FGF14: variants seen among roughly 807,000 people sequenced by gnomAD.
The protein encoded by FGF14 is fibroblast growth factor 14.
In FGF14, 5 loss-of-function variants were observed where a neutral mutation model predicts 25.5. The observed-to-expected ratio is 0.20, with a 90% CI of 0.10 to 0.41. The LOEUF is 0.41. Ranked by LOEUF, FGF14 falls within the 10% of genes least tolerant of loss-of-function variation. The probability of loss-of-function intolerance (pLI) is 1.00; values close to 1 mark genes in which losing one functional copy is unlikely to be tolerated. For synonymous variants in FGF14, 138 were observed against 118.3 expected, an observed-to-expected ratio of 1.17 and a Z score of -1.08; for missense variants, 222 against 320.1, an observed-to-expected ratio of 0.69 and a Z score of 2.34.
intron 3 of FGF14, among the ~76,000 whole-genome samples, chr13:101,847,305 C>G (rs2043514659): frequency 6.6e-6 from 1 of 151,972 alleles, no homozygotes. Flanking sequence ...AGCTGAATGC[C>G]TATCAACACC....
intron 1 of FGF14, among the ~76,000 whole-genome samples, chr13:102,093,873 C>A (rs491260): frequency 0.032 from 4,785 of 150,464 alleles, 249 homozygotes; most frequent in African/African-American, 0.11. Context: ...GCCACTGCTG[C>A]AGCTATGCCA....
At chr13:102,111,608 C>T (rs374532242) in intron 1 of FGF14, among the ~76,000 whole-genome samples, 53 of 151,794 alleles carry the variant, frequency 3.5e-4, no homozygotes, top group South Asian at 1.7e-3. Context: ...TCCAGCTACT[C>T]GGGAGGCTGA....
intron 4 of FGF14, among the ~76,000 whole-genome samples, chr13:101,725,383 A>G (rs2035345926): frequency 6.6e-6 from 1 of 152,066 alleles, no homozygotes; most frequent in Non-Finnish European, 1.5e-5. Flanking sequence ...AGACTCTGGA[A>G]TAATCTGTCT....
At chr13:101,894,724 A>G (rs772344704) in intron 1 of FGF14, among the ~76,000 whole-genome samples, 2 of 152,082 alleles carry the variant, frequency 1.3e-5, no homozygotes, top group Admixed American at 1.3e-4. Flanking sequence ...ATATAATAAG[A>G]TTTTCCTTTA....
rs1293898617 is a variant in FGF14, at chr13:101,716,154, T to C, written c.*6677A>G. ...ACACAAGAAAGACCATATTAGAATC[T>C]AAGGAAAACATGCATATTCACATTA... On this transcript the variant is annotated 3_prime_UTR_variant, in exon 5 of 5. Transcript: ENST00000376143. The C allele has an allele frequency of 6.6e-6, 1 of 152,354 alleles. No homozygotes were observed. Among genetic ancestry groups the C allele is most frequent in the Non-Finnish European group, 1.5e-5 (1 of 68,156 alleles). The allele number at this position is 152,354 out of a possible 1,614,324, so 9.4% of individuals were successfully genotyped here. A position where few individuals can be genotyped will look rare whatever the true frequency, so the allele number is the denominator to read the frequency against.
chr13:102,188,930 GA>G (rs1250568955), intron 1 of FGF14, among the ~76,000 whole-genome samples: 2 of 126,082 alleles, frequency 1.6e-5, no homozygotes, highest in South Asian at 2.5e-4. Context: ...GACAGAGTGA[GA>G]AAAAAAAGAA....
chr13:101,823,204 T>G (rs2042239964), intron 3 of FGF14, among the ~76,000 whole-genome samples: 1 of 152,088 alleles, frequency 6.6e-6, no homozygotes, highest in Admixed American at 6.6e-5. Context: ...ATGTTTGCAT[T>G]TCTTTGGGTA....
chr13:101,846,797 C>G (rs764452329), intron 3 of FGF14, among the ~76,000 whole-genome samples: 1 of 151,776 alleles, frequency 6.6e-6, no homozygotes, highest in Non-Finnish European at 1.5e-5. Flanking sequence ...AAAGTGTATG[C>G]GAAATTGAGT....
intron 1 of FGF14, among the ~76,000 whole-genome samples, chr13:102,019,489 G>A (rs16959619): frequency 3.9e-5 from 6 of 152,024 alleles, no homozygotes; most frequent in African/African-American, 1.5e-4. Context: ...CATCCCATCT[G>A]TCCCTGGATA....
intron 1 of FGF14, among the ~76,000 whole-genome samples, chr13:102,383,296 TTG>T (rs1451624615): frequency 6.6e-6 from 1 of 152,126 alleles, no homozygotes; most frequent in African/African-American, 2.4e-5. Context: ...TTCTTTGAAG[TTG>T]TGTTAGTATT....
chr13:102,020,705 C>T (rs2040598584), intron 1 of FGF14, among the ~76,000 whole-genome samples: 1 of 152,092 alleles, frequency 6.6e-6, no homozygotes. Flanking sequence ...AACAAATTAA[C>T]ATTTTCCCAG....
At chr13:102,315,089 CAT>C (rs1594827945) in intron 1 of FGF14, among the ~76,000 whole-genome samples, 1 of 151,398 alleles carries the variant, frequency 6.6e-6, no homozygotes, top group Admixed American at 6.6e-5. Flanking sequence ...TATGTACAAA[CAT>C]GTATATATGT....
chr13:102,394,819 C>G (rs917677342), intron 1 of FGF14: 12 of 152,394 alleles, frequency 7.9e-5, no homozygotes, highest in Admixed American at 5.2e-4. Context: ...CCAGCTTCAC[C>G]CGGATTACCG....
chr13:101,949,780 A>G (rs1407161863), intron 1 of FGF14, among the ~76,000 whole-genome samples: 6 of 152,196 alleles, frequency 3.9e-5, no homozygotes, highest in South Asian at 2.1e-4. Context: ...GAGAACCTCA[A>G]TCTCATTCAT....
At chr13:102,049,960 A>G (rs1193096688) in intron 1 of FGF14, among the ~76,000 whole-genome samples, 3 of 152,138 alleles carry the variant, frequency 2.0e-5, no homozygotes, top group African/African-American at 7.2e-5. Flanking sequence ...CAACAGTGAG[A>G]CAATAGATTC....
At chr13:101,919,313 G>C (rs890813050), upstream of FGF14, among the ~76,000 whole-genome samples, 1 of 151,366 alleles carries the variant, frequency 6.6e-6, no homozygotes, top group African/African-American at 2.4e-5. Flanking sequence ...AAGGCTTCTT[G>C]CAGTGAGTGT....
intron 3 of FGF14, among the ~76,000 whole-genome samples, chr13:101,834,282 C>G (rs1011063820): frequency 6.7e-6 from 1 of 150,096 alleles, no homozygotes; most frequent in Non-Finnish European, 1.5e-5. Context: ...ACATTTGCAT[C>G]AAAACATTGT....
At chr13:101,880,133 T>C (rs991816993) in intron 1 of FGF14, among the ~76,000 whole-genome samples, 5 of 152,178 alleles carry the variant, frequency 3.3e-5, no homozygotes, top group Non-Finnish European at 7.4e-5. Flanking sequence ...TCAGAGTGAT[T>C]ACCCAACTCA....
upstream of FGF14, among the ~76,000 whole-genome samples, chr13:101,919,757 G>A (rs1177436803): frequency 6.6e-6 from 1 of 152,098 alleles, no homozygotes; most frequent in Admixed American, 6.5e-5. Context: ...TTTCCCTCAT[G>A]ATGGGAAGGA....
Sources: gnomAD v4.1 joint callset for allele counts (sites outside exome capture counted in the v4.1 genomes callset) on GRCh38, gnomAD v4.1.1 for gene constraint, MANE v1.5 for transcripts, NCBI Gene and HGNC (gene_info 2026-07-23, HGNC 2026-07-21) for gene names.